The following ZNF75A variants were observed in gnomAD, a reference collection of about 807,000 sequenced individuals.
The protein encoded by ZNF75A is zinc finger protein 75A.
A neutral mutation model predicts 46.3 loss-of-function variants in ZNF75A; 36 were observed. The ratio of observed to expected loss-of-function variants is 0.78; its 90% CI spans 0.60 to 1.03. The LOEUF is 1.03. Among genes scored for constraint, ZNF75A ranks in the 50% least tolerant of loss-of-function variants. The pLI is 0.00. For synonymous variants in ZNF75A, 234 were observed against 189.9 expected (o/e 1.23, Z -1.91); for missense variants, 595 against 551.3 (o/e 1.08, Z -0.79).
At chr16:3,315,032 G>A in intron 5 of ZNF75A, 1 of 985,104 alleles carries the variant, frequency 1.0e-6, no homozygotes, top group Non-Finnish European at 1.2e-6. Flanking sequence ...ATCACCTGGG[G>A]AGCTTTTCCA....
At chr16:3,323,092 T>C (rs1260278280), downstream of ZNF75A, 3 of 523,998 alleles carry the variant, frequency 5.7e-6, no homozygotes, top group South Asian at 4.4e-5. Flanking sequence ...CAGGAAATAG[T>C]CTTTGAAGAT....
intron 6 of ZNF75A, 79 bp downstream of exon 6, chr16:3,317,101 C>T (rs1020468177): frequency 1.1e-5 from 15 of 1,330,860 alleles, no homozygotes; most frequent in Non-Finnish European, 1.4e-5. Flanking sequence ...GATTTTGTTC[C>T]TTTTTTTTTT....
downstream of ZNF75A, chr16:3,323,138 A>T: frequency 1.8e-6 from 1 of 556,950 alleles, no homozygotes; most frequent in Non-Finnish European, 3.1e-6. Flanking sequence ...ACAAAAACAC[A>T]TGCTTCCACT....
intron 2 of ZNF75A, chr16:3,309,479 A>AAC (rs1431201654): frequency 7.1e-6 from 1 of 141,544 alleles, no homozygotes; most frequent in African/African-American, 3.1e-5. Context: ...AAAAAACAAA[A>AAC]AAAAAACGGG....
rs906379084 is a variant in ZNF75A at position 3,318,261 on chromosome 16, A to G, written c.*392A>G. On this transcript the variant is annotated 3_prime_UTR_variant, in exon 7 of 7. Transcript: ENST00000669516. ...ACAATGTAAAGTGTTCCAGGAACCAAATTGGATTTTCTTTCTTTTGTCATT... is the reference window on the plus strand; with the variant it reads ...ACAATGTAAAGTGTTCCAGGAACCAGATTGGATTTTCTTTCTTTTGTCATT... The G allele has an allele frequency of 1.9e-5, 19 of 991,996 alleles. No homozygotes were observed. Among genetic ancestry groups the G allele is most frequent in the Non-Finnish European group, 2.3e-5 (19 of 834,646 alleles). The allele number at this position is 991,996 out of a possible 1,614,324, so 61.4% of individuals were successfully genotyped here.
intron 5 of ZNF75A, among the ~76,000 whole-genome samples, chr16:3,314,185 A>G (rs1596397638): frequency 1.3e-5 from 2 of 152,176 alleles, no homozygotes; most frequent in African/African-American, 4.8e-5. Context: ...TGGTTACCAT[A>G]CACACTCTTA....
chr16:3,322,751 A>C (rs1210421823), downstream of ZNF75A, among the ~76,000 whole-genome samples: 2 of 151,918 alleles, frequency 1.3e-5, no homozygotes, highest in Non-Finnish European at 2.9e-5. Flanking sequence ...GTTAACATTT[A>C]TTTTTGGGCC....
chr16:3,312,889 C>T, intron 4 of ZNF75A, 121 bp downstream of exon 4: 1 of 1,200,358 alleles, frequency 8.3e-7, no homozygotes. Flanking sequence ...GGGTACCTCC[C>T]AGGCTGTGGG....
chr16:3,322,212 C>T (rs907716711), downstream of ZNF75A, among the ~76,000 whole-genome samples: 2 of 152,180 alleles, frequency 1.3e-5, no homozygotes, highest in African/African-American at 4.8e-5. Context: ...CACGTTTCTA[C>T]TGTTTGTCCC....
chr16:3,307,647 T>C (rs1457391373), intron 1 of ZNF75A: 1 of 151,750 alleles, frequency 6.6e-6, no homozygotes, highest in Non-Finnish European at 1.5e-5. Flanking sequence ...CCTCCTGAGC[T>C]AGAACTACTG....
rs921971000 is a variant in ZNF75A, at chr16:3,316,928, C to T, written c.840C>T (p.Pro280=). ...ATTTGACAGCATTGTTTGTGCTCCC[C>T]AAACCTAAAGTGATCTCCTGTCTAG... ...TVISLALFVL[P]KPKVISCLEQ... Residue 280 remains proline, a synonymous_variant, in exon 6 of 7, where the codon CCC becomes CCT. Coordinates refer to ENST00000669516, the MANE Select transcript of ZNF75A (RefSeq NM_001302109.2). 6.2e-7 allele frequency: 1 copy of T among 1,612,812 alleles called. No individual in the cohort carries two copies. Among genetic ancestry groups the T allele is most frequent in the Non-Finnish European group, 8.5e-7 (1 of 1,179,544 alleles).
Position 3,311,919 on chromosome 16 carries a change from A to G in ZNF75A, c.575A>G (p.His192Arg), listed in dbSNP as rs1223598992. 9 of 987,424 alleles carry G rather than the reference A, an allele frequency of 9.1e-6. No individual in the cohort carries two copies. The highest frequency in any genetic ancestry group is 1.7e-5 in the African/African-American group (1 of 57,308). 61.2% of individuals were successfully genotyped at this position (987,424 alleles called of 1,614,324 possible). ...GLQEQLSRNT[H>R]KETEPVYERA... ...CAAGAACAGCTCAGCAGGAATACTC[A>G]TAAAGAGACTGAGCCTGTGTATGAG... The change falls in exon 3 of 7, where the codon CAT becomes CGT. Residue 192 changes from histidine to arginine, a missense_variant. By Grantham distance (29) the His-to-Arg change is conservative. Coordinates refer to ENST00000669516, the MANE Select transcript of ZNF75A (RefSeq NM_001302109.2).
At chr16:3,314,782 T>C in intron 5 of ZNF75A, 4 of 985,444 alleles carry the variant, frequency 4.1e-6, no homozygotes, top group Non-Finnish European at 4.8e-6. Flanking sequence ...CATATATTTT[T>C]CTCAGGAAGA....
chr16:3,314,700 C>T (rs1961068429), intron 5 of ZNF75A: 2 of 985,294 alleles, frequency 2.0e-6, no homozygotes, highest in Admixed American at 6.1e-5. Flanking sequence ...AGTTAGGCTG[C>T]TTCTGCAGTG....
Position 3,308,557 on chromosome 16 carries a change from T to C in ZNF75A, c.129T>C (p.Asp43=), listed in dbSNP as rs758351019. Residue 43 remains aspartate, a synonymous_variant, in exon 2 of 7, where the codon GAT becomes GAC. Coordinates refer to ENST00000669516, the MANE Select transcript of ZNF75A (RefSeq NM_001302109.2). ...AATCTCCTCAAATGGACTGTCTCGATCCTAAGAGCTCTTGCTGGCACTTCC... is the reference window on the plus strand; with the variant it reads ...AATCTCCTCAAATGGACTGTCTCGACCCTAAGAGCTCTTGCTGGCACTTCC... The part of the protein sequence containing the change: ...SKKSPQMDCL[D]PKSSCWHFRN... The C allele has an allele frequency of 1.0e-6, 1 of 985,916 alleles. No individual in the cohort carries two copies. The highest frequency in any genetic ancestry group is 6.1e-5 in the Admixed American group (1 of 16,288). The allele number at this position is 985,916 out of a possible 1,614,324, so 61.1% of individuals were successfully genotyped here. A position where few individuals can be genotyped will look rare whatever the true frequency, so the allele number is the denominator to read the frequency against.
chr16:3,314,882 C>G (rs911205574), intron 5 of ZNF75A: 2 of 985,352 alleles, frequency 2.0e-6, no homozygotes, highest in African/African-American at 3.5e-5. Context: ...GGTAAAGATT[C>G]TCCCTTCTTT....
chr16:3,318,813 C>T lies in ZNF75A; in HGVS notation c.*944C>T, dbSNP rs1005767056. The T allele has an allele frequency of 2.6e-5, 26 of 985,322 alleles. No homozygotes were observed. The African/African-American group carries it at 3.5e-4, about 13-fold the overall frequency. The allele number at this position is 985,322 out of a possible 1,614,324, so 61.0% of individuals were successfully genotyped here. ...CATGGAGACCTGGACATGTAGTCAG[C>T]AGGAGACGGTTCCCTAAATAAAAGA... On this transcript the variant is annotated 3_prime_UTR_variant, in exon 7 of 7. Transcript: ENST00000669516.
chr16:3,319,798 T>A (rs1457533574), downstream of ZNF75A, among the ~76,000 whole-genome samples: 6 of 52,224 alleles, frequency 1.1e-4, no homozygotes, highest in Admixed American at 2.1e-4. Flanking sequence ...TTTTTTTTTA[T>A]TTTTTTTTTT....
Position 3,318,263 on chromosome 16 carries a change from T to C in ZNF75A, c.*394T>C, listed in dbSNP as rs1180989462. On this transcript the variant is annotated 3_prime_UTR_variant, in exon 7 of 7. Coordinates refer to ENST00000669516, the MANE Select transcript of ZNF75A (RefSeq NM_001302109.2). The stretch of plus-strand genomic sequence containing the variant: ...AATGTAAAGTGTTCCAGGAACCAAA[T>C]TGGATTTTCTTTCTTTTGTCATTGG... 9.1e-6 allele frequency: 9 copies of C among 991,054 alleles called. No individual in the cohort carries two copies. Among genetic ancestry groups the C allele is most frequent in the South Asian group, 4.7e-5 (1 of 21,406 alleles). 61.4% of individuals were successfully genotyped at this position (991,054 alleles called of 1,614,324 possible).
Sources: allele counts gnomAD v4.1 joint callset (sites outside exome capture counted in the v4.1 genomes callset), GRCh38; gene constraint gnomAD v4.1.1; transcripts MANE v1.5; gene names NCBI Gene and HGNC (gene_info 2026-07-23, HGNC 2026-07-21).